Variants in CD2AP observed in about 807,000 individuals in gnomAD.
CD2AP encodes the protein CD2 associated protein.
A neutral mutation model predicts 85.1 loss-of-function variants in CD2AP; 46 were observed. That is an observed-to-expected ratio of 0.54 (90% CI 0.43 to 0.69). CD2AP has a LOEUF of 0.69. Ranked by LOEUF, CD2AP falls within the 30% of genes least tolerant of loss-of-function variation. The pLI is 0.00. For synonymous variants in CD2AP, 255 were observed against 252.9 expected, an observed-to-expected ratio of 1.01 and a Z score of -0.08; for missense variants, 769 against 729.5, an observed-to-expected ratio of 1.05 and a Z score of -0.62.
At chr6:47,532,678 G>A (rs1326990372) in intron 2 of CD2AP, among the ~76,000 whole-genome samples, 2 of 151,666 alleles carry the variant, frequency 1.3e-5, no homozygotes, top group East Asian at 1.9e-4. Flanking sequence ...TTGTATTTTC[G>A]TTAACAAAAA....
chr6:47,499,469 A>G (rs1426127730), intron 1 of CD2AP, among the ~76,000 whole-genome samples: 3 of 152,142 alleles, frequency 2.0e-5, no homozygotes, highest in Non-Finnish European at 4.4e-5. Context: ...CTTTTTCCAT[A>G]TATGCTTGTA....
At chr6:47,553,505 C>T (rs1767585083) in intron 4 of CD2AP, among the ~76,000 whole-genome samples, 1 of 144,586 alleles carries the variant, frequency 6.9e-6, no homozygotes, top group Admixed American at 7.1e-5. Flanking sequence ...CACCACCACA[C>T]CTAGTGAATT....
At chr6:47,548,955 CATGATCATCTCAATAGATGCA>C (rs1476011999) in intron 4 of CD2AP, among the ~76,000 whole-genome samples, 1 of 152,132 alleles carries the variant, frequency 6.6e-6, no homozygotes, top group Non-Finnish European at 1.5e-5. Flanking sequence ...ACAAAAATCA[CATGATCATCTCAATAGATGCA>C]GAAAAAACAT....
rs1768539307 is a variant in CD2AP, at chr6:47,583,590, G to A, written c.1108+1525G>A. Among the ~76,000 whole-genome samples the A allele has an allele frequency of 3.9e-5, 6 of 152,162 alleles. No individual in the cohort carries two copies. The South Asian group carries it at 1.2e-3, about 32-fold the overall frequency. On this transcript the variant is annotated intron_variant, in intron 11 of 17. Transcript: ENST00000359314. ...TAAAATTTCTCCGTATGTTTTCATG[G>A]CTTGGGAGGCATATGTTGTTAGCAT...
intron 3 of CD2AP, among the ~76,000 whole-genome samples, chr6:47,543,148 C>CAAA (rs11338409): frequency 1.4e-3 from 86 of 60,268 alleles, no homozygotes; most frequent in African/African-American, 3.9e-3. Flanking sequence ...AAGACTGTCT[C>CAAA]AAAAAAAAAA....
chr6:47,489,614 C>G (rs559060192), intron 1 of CD2AP, among the ~76,000 whole-genome samples: 1 of 152,158 alleles, frequency 6.6e-6, no homozygotes, highest in Non-Finnish European at 1.5e-5. Context: ...GGAATTCTTA[C>G]TATGCTAGGC....
chr6:47,495,396 A>G (rs982797768), intron 1 of CD2AP, among the ~76,000 whole-genome samples: 1 of 152,110 alleles, frequency 6.6e-6, no homozygotes, highest in Non-Finnish European at 1.5e-5. Flanking sequence ...AGGGGCATGG[A>G]GTGATTCTTC....
chr6:47,519,465 T>C (rs1766529755), intron 2 of CD2AP, among the ~76,000 whole-genome samples: 1 of 152,208 alleles, frequency 6.6e-6, no homozygotes. Context: ...TGTGTAGACC[T>C]CTGTTTGACT....
chr6:47,503,111 A>C (rs1335821339), intron 1 of CD2AP, among the ~76,000 whole-genome samples, 169 bp from the exon 2 acceptor site: 2 of 152,206 alleles, frequency 1.3e-5, no homozygotes, highest in African/African-American at 4.8e-5. Context: ...TATTCAAGAA[A>C]TTTGCTGATG....
At position 47,574,248 on chromosome 6, in the gene CD2AP, A is replaced by G; in HGVS notation, c.726A>G (p.Glu242=). 6.2e-7 allele frequency: 1 copy of G among 1,613,534 alleles called. No individual in the cohort carries two copies. The highest frequency in any genetic ancestry group is 8.5e-7 in the Non-Finnish European group (1 of 1,179,548). ...SSSETEEKKP[E]KPLILQSLGP... ...GTGAAACAGAAGAGAAAAAACCAGA[A>G]AAGGTGGTAATGATGGACTTGTTAG... Residue 242 remains glutamate (E), a synonymous_variant, in exon 6 of 18, where the codon GAA becomes GAG. Coordinates refer to ENST00000359314, the MANE Select transcript of CD2AP (RefSeq NM_012120.3).
intron 13 of CD2AP, among the ~76,000 whole-genome samples, chr6:47,599,908 A>G (rs572676360): frequency 6.6e-6 from 1 of 151,614 alleles, no homozygotes; most frequent in Non-Finnish European, 1.5e-5. Context: ...CCCTTTTGCT[A>G]ATTTTTTTTT....
At chr6:47,515,854 T>C (rs952825028) in intron 2 of CD2AP, among the ~76,000 whole-genome samples, 1 of 152,220 alleles carries the variant, frequency 6.6e-6, no homozygotes, top group African/African-American at 2.4e-5. Context: ...GTAAATTTTT[T>C]TTTTTAAACT....
At chr6:47,534,268 C>T (rs1449511422) in intron 3 of CD2AP, among the ~76,000 whole-genome samples, 2 of 152,184 alleles carry the variant, frequency 1.3e-5, no homozygotes, top group Non-Finnish European at 2.9e-5. Flanking sequence ...GGGTTTGAGT[C>T]TGTCTTATGA....
intron 2 of CD2AP, among the ~76,000 whole-genome samples, chr6:47,504,254 GAGCT>G (rs1766070327): frequency 6.6e-6 from 1 of 152,204 alleles, no homozygotes; most frequent in Non-Finnish European, 1.5e-5. Flanking sequence ...ATTAGATTAT[GAGCT>G]CTTCTAGGAA....
At chr6:47,610,971 A>ATATATATTTTTTTT in intron 16 of CD2AP, among the ~76,000 whole-genome samples, 2 of 112,908 alleles carry the variant, frequency 1.8e-5, no homozygotes, top group African/African-American at 7.2e-5. Flanking sequence ...ATATATATGT[A>ATATATATTTTTTTT]TTTTTTTTTT....
chr6:47,566,816 A>G (rs1302675075), intron 5 of CD2AP, among the ~76,000 whole-genome samples: 2 of 152,190 alleles, frequency 1.3e-5, no homozygotes, highest in African/African-American at 4.8e-5. Flanking sequence ...ATGGCTGCAT[A>G]GTATTCCATA....
At chr6:47,577,257 G>A (rs1449162339) in intron 8 of CD2AP, among the ~76,000 whole-genome samples, 154 bp downstream of exon 8, 2 of 152,150 alleles carry the variant, frequency 1.3e-5, no homozygotes, top group South Asian at 2.1e-4. Context: ...AACTTGGCAC[G>A]TAATAAGTGC....
intron 2 of CD2AP, among the ~76,000 whole-genome samples, chr6:47,510,727 C>T (rs1766289266): frequency 6.6e-6 from 1 of 152,066 alleles, no homozygotes. Context: ...ATTTCCTTTT[C>T]CGCACACCCC....
intron 1 of CD2AP, among the ~76,000 whole-genome samples, chr6:47,502,728 G>A (rs1372676383): frequency 6.6e-6 from 1 of 151,974 alleles, no homozygotes; most frequent in Admixed American, 6.6e-5. Flanking sequence ...TCTTGACCTC[G>A]TGATCTGCCT....
Sources: allele counts gnomAD v4.1 joint callset (sites outside exome capture counted in the v4.1 genomes callset), GRCh38; gene constraint gnomAD v4.1.1; transcripts MANE v1.5; gene names NCBI Gene and HGNC (gene_info 2026-07-23, HGNC 2026-07-21).